FRMD5: variants seen among roughly 807,000 people sequenced by gnomAD.
The protein encoded by FRMD5 is FERM domain containing 5, also known as FERM domain-containing protein 5.
FRMD5 carries 20 observed loss-of-function variants against 69.0 expected under a neutral mutation model. The observed-to-expected ratio is 0.29, with a 90% CI of 0.20 to 0.42. The LOEUF is 0.42. Ranked by LOEUF, FRMD5 falls within the 10% of genes least tolerant of loss-of-function variation. FRMD5 has a pLI of 1.00. For synonymous variants in FRMD5, 271 were observed against 260.1 expected (o/e 1.04, Z -0.40); for missense variants, 595 against 708.6 (o/e 0.84, Z 1.82).
At chr15:43,885,339 A>T (rs547100133) in intron 11 of FRMD5, among the ~76,000 whole-genome samples, 10 of 151,716 alleles carry the variant, frequency 6.6e-5, no homozygotes, top group East Asian at 1.9e-4. Flanking sequence ...CACCCAGATA[A>T]TTTTTTTTGT....
chr15:43,930,000 GAATT>G, intron 1 of FRMD5, among the ~76,000 whole-genome samples: 1 of 152,174 alleles, frequency 6.6e-6, no homozygotes, highest in South Asian at 2.1e-4. Flanking sequence ...AGAAAAGTGT[GAATT>G]AATTTCTGGG....
intron 1 of FRMD5, among the ~76,000 whole-genome samples, chr15:44,164,204 C>CTTACTTACT (rs1361682707): frequency 6.6e-6 from 1 of 152,158 alleles, no homozygotes; most frequent in Non-Finnish European, 1.5e-5. Flanking sequence ...CCTGAAAGCC[C>CTTACTTACT]TTACTTACTT....
chr15:43,888,936 T>C (rs1325898193), intron 8 of FRMD5, 64 bp from the exon 9 acceptor site: 5 of 1,421,402 alleles, frequency 3.5e-6, no homozygotes, highest in African/African-American at 1.4e-5. Context: ...CTAAATCTTG[T>C]AGATGCACAG....
At chr15:43,902,005 A>G in intron 7 of FRMD5, 170 bp downstream of exon 7, 1 of 612,408 alleles carries the variant, frequency 1.6e-6, no homozygotes, top group Non-Finnish European at 2.9e-6. Flanking sequence ...AAAATTATGT[A>G]GCATGTGATC....
intron 1 of FRMD5, among the ~76,000 whole-genome samples, chr15:44,067,201 T>G (rs929804969): frequency 2.0e-5 from 3 of 152,122 alleles, no homozygotes; most frequent in Admixed American, 6.5e-5. Context: ...TCTCAGAGAA[T>G]AGGAGGCAAG....
At position 44,152,707 on chromosome 15, in the gene FRMD5, A is replaced by G. The variant is rs759217273; in HGVS notation, c.102+42246T>C. Among the ~76,000 whole-genome samples, 17 of 152,306 alleles carry G rather than the reference A, an allele frequency of 1.1e-4. 1 individual carries two copies. Among genetic ancestry groups the G allele is most frequent in the Non-Finnish European group, 4.4e-5 (3 of 68,024 alleles). On this transcript the variant is annotated intron_variant, in intron 1 of 13. Transcript: ENST00000417257. ...ATTTTTACTTGCACTTCCCTGATGA[A>G]CAATAATGGAACATACATTTACTGA...
chr15:43,915,048 T>C (rs1325719193), intron 4 of FRMD5, among the ~76,000 whole-genome samples: 1 of 152,164 alleles, frequency 6.6e-6, no homozygotes, highest in Non-Finnish European at 1.5e-5. Context: ...TTTTAATCCT[T>C]GTTTAATGGA....
At chr15:44,131,739 T>C (rs868215450) in intron 1 of FRMD5, among the ~76,000 whole-genome samples, 1 of 152,238 alleles carries the variant, frequency 6.6e-6, no homozygotes, top group Non-Finnish European at 1.5e-5. Flanking sequence ...CTTACACTAG[T>C]TAAAATCATA....
intron 1 of FRMD5, among the ~76,000 whole-genome samples, chr15:44,082,092 A>C (rs1396431122): frequency 6.6e-6 from 1 of 152,014 alleles, no homozygotes; most frequent in Non-Finnish European, 1.5e-5. Context: ...TTTTATTTTT[A>C]TAAATACCAA....
chr15:43,908,609 TCGTC>T (rs1186595837), intron 5 of FRMD5, among the ~76,000 whole-genome samples: 21 of 152,260 alleles, frequency 1.4e-4, no homozygotes, highest in Admixed American at 1.3e-3. Flanking sequence ...TTTAGTGCTG[TCGTC>T]CAAAATGATC....
intron 1 of FRMD5, among the ~76,000 whole-genome samples, chr15:44,070,480 C>T (rs1893494621): frequency 6.6e-6 from 1 of 152,112 alleles, no homozygotes; most frequent in Non-Finnish European, 1.5e-5. Context: ...AATTAGAGAT[C>T]TGCAGCTATA....
chr15:44,036,223 G>T (rs1891903348), intron 1 of FRMD5, among the ~76,000 whole-genome samples: 3 of 151,980 alleles, frequency 2.0e-5, no homozygotes, highest in Non-Finnish European at 1.5e-5. Context: ...AGAGGATAAG[G>T]GCACATTTCT....
At chr15:44,034,545 T>C (rs374579908) in intron 1 of FRMD5, among the ~76,000 whole-genome samples, 2 of 152,204 alleles carry the variant, frequency 1.3e-5, no homozygotes, top group African/African-American at 2.4e-5. Context: ...AAGATTATTG[T>C]GAAATAAGCA....
At chr15:44,132,586 A>AC (rs771805213) in intron 1 of FRMD5, among the ~76,000 whole-genome samples, 5 of 151,860 alleles carry the variant, frequency 3.3e-5, no homozygotes, top group Non-Finnish European at 7.4e-5. Context: ...GTGCTATCAC[A>AC]CCCAGCTAAT....
At chr15:43,893,139 A>C (rs575024213) in intron 7 of FRMD5, among the ~76,000 whole-genome samples, 44 of 152,182 alleles carry the variant, frequency 2.9e-4, no homozygotes, top group Non-Finnish European at 4.3e-4. Context: ...AAAAAAAAAA[A>C]AAAACATTTT....
chr15:44,006,510 T>C (rs1890456188), intron 1 of FRMD5, among the ~76,000 whole-genome samples: 1 of 152,232 alleles, frequency 6.6e-6, no homozygotes, highest in Admixed American at 6.5e-5. Flanking sequence ...TATAGCTGCA[T>C]GAATAGTGAT....
chr15:43,922,704 T>C (rs2089516663), intron 2 of FRMD5, among the ~76,000 whole-genome samples: 1 of 150,096 alleles, frequency 6.7e-6, no homozygotes, highest in Admixed American at 6.7e-5. Flanking sequence ...AGAGTCTTGC[T>C]CTGTCTCCCA....
At chr15:44,008,453 A>C (rs886470775) in intron 1 of FRMD5, among the ~76,000 whole-genome samples, 29 of 150,908 alleles carry the variant, frequency 1.9e-4, no homozygotes, top group African/African-American at 6.6e-4. Context: ...TTTAGTAGAG[A>C]TGTGGTTTCC....
At chr15:44,098,422 G>A (rs772550791) in intron 1 of FRMD5, among the ~76,000 whole-genome samples, 5 of 151,924 alleles carry the variant, frequency 3.3e-5, no homozygotes, top group Non-Finnish European at 7.4e-5. Flanking sequence ...CTACTTGGGA[G>A]GCTGAGGCAG....
Sources: gnomAD v4.1 joint callset for allele counts (sites outside exome capture counted in the v4.1 genomes callset) on GRCh38, gnomAD v4.1.1 for gene constraint, MANE v1.5 for transcripts, NCBI Gene and HGNC (gene_info 2026-07-23, HGNC 2026-07-21) for gene names.